The following CCNK variants were observed in gnomAD, a reference collection of about 807,000 sequenced individuals.
CCNK encodes cyclin-K.
CCNK carries 9 observed loss-of-function variants against 65.0 expected under a neutral mutation model. The observed-to-expected ratio is 0.14, with a 90% CI of 0.08 to 0.24. The LOEUF (loss-of-function observed/expected upper bound fraction) is 0.24, where lower values mean the gene tolerates loss of function less well. Among genes scored for constraint, CCNK ranks in the 10% least tolerant of loss-of-function variants. CCNK has a pLI of 1.00. For missense variants in CCNK, 474 were observed against 720.0 expected (o/e 0.66, Z 3.91); for synonymous variants, 279 against 270.8 (o/e 1.03, Z -0.30).
chr14:99,505,978 A>C (rs1436582960), intron 9 of CCNK: 2 of 152,564 alleles, frequency 1.3e-5, no homozygotes, highest in Non-Finnish European at 2.9e-5. Context: ...GGAAAAAGGC[A>C]GGAGGTGGGT....
At chr14:99,501,334 A>C (rs1341939701) in intron 5 of CCNK, 22 bp from the exon 6 acceptor site, 19 of 1,532,874 alleles carry the variant, frequency 1.2e-5, no homozygotes, top group Non-Finnish European at 1.7e-5. Context: ...CTATTAATTT[A>C]CCTTTTTGTC....
In CCNK at chr14:99,481,417, A is replaced by G. The variant is rs1347005493; in HGVS notation, c.-115A>G. 1 of 398,576 alleles carries G rather than the reference A, an allele frequency of 2.5e-6. No individual in the cohort carries two copies. The highest frequency in any genetic ancestry group is 4.4e-6 in the Non-Finnish European group (1 of 226,110). The allele number at this position is 398,576 out of a possible 1,614,324, so 24.7% of individuals were successfully genotyped here. The stretch of plus-strand genomic sequence containing the variant: ...TGATGACGTAGGTCCCCGACATTCC[A>G]TATACAAGATGGCCGCAGTCGGCAA... On this transcript the variant is annotated 5_prime_UTR_variant, in exon 1 of 11. Transcript: ENST00000389879.
chr14:99,505,630 G>A (rs551051570), intron 9 of CCNK: 2 of 152,338 alleles, frequency 1.3e-5, no homozygotes, highest in South Asian at 4.1e-4. Flanking sequence ...GGGAGGCCAA[G>A]GCATGCTTTG....
Position 99,502,203 on chromosome 14 carries a change from C to A in CCNK, c.576-4C>A. The stretch of plus-strand genomic sequence containing the variant: ...TCTAACCTTTTTTTTTCTTGTTGAA[C>A]TAGTCTCTGCACCACCTTGTCACTG... On this transcript the variant is annotated splice_region_variant and splice_polypyrimidine_tract_variant and intron_variant, in intron 6 of 10. Coordinates refer to ENST00000389879, the MANE Select transcript of CCNK (RefSeq NM_001099402.2). 1 of 1,572,920 alleles carries A rather than the reference C, an allele frequency of 6.4e-7. No individual in the cohort carries two copies. The highest frequency in any genetic ancestry group is 8.6e-7 in the Non-Finnish European group (1 of 1,159,114).
At chr14:99,486,861 C>T (rs912308968) in intron 1 of CCNK, among the ~76,000 whole-genome samples, 1 of 147,344 alleles carries the variant, frequency 6.8e-6, no homozygotes, top group African/African-American at 2.5e-5. Context: ...ATTATGTTCT[C>T]TCCCCTTACA....
chr14:99,510,048 G>T (rs2139886424), intron 10 of CCNK, 109 bp from the exon 11 acceptor site: 2 of 1,117,764 alleles, frequency 1.8e-6, no homozygotes, highest in South Asian at 1.6e-5. Context: ...AGAGGAGGCG[G>T]GCAGCTGCTC....
Position 99,510,620 on chromosome 14 carries a change from C to A in CCNK, c.1581C>A (p.Thr527=). The A allele has an allele frequency of 7.3e-7, 1 of 1,367,220 alleles. No individual in the cohort carries two copies. The highest frequency in any genetic ancestry group is 9.5e-7 in the Non-Finnish European group (1 of 1,050,774). The allele number at this position is 1,367,220 out of a possible 1,614,324, so 84.7% of individuals were successfully genotyped here. The part of the protein sequence containing the change: ...FPPPPPRLPP[T]HAVPPHPPPG... The stretch of plus-strand genomic sequence containing the variant: ...CCCCACCCCCACGCCTCCCGCCTAC[C>A]CACGCAGTCCCCCCTCATCCTCCTC... Residue 527 remains threonine (T), a synonymous_variant, in exon 11 of 11, where the codon ACC becomes ACA. Transcript: ENST00000389879.
At position 99,510,830 on chromosome 14, in the gene CCNK, G is replaced by C; in HGVS notation, c.*48G>C. 2.2e-6 allele frequency: 3 copies of C among 1,375,180 alleles called. No individual in the cohort carries two copies. The South Asian group carries it at 6.1e-5, about 28-fold the overall frequency. The allele number at this position is 1,375,180 out of a possible 1,614,324, so 85.2% of individuals were successfully genotyped here. On this transcript the variant is annotated 3_prime_UTR_variant, in exon 11 of 11. Coordinates refer to ENST00000389879, the MANE Select transcript of CCNK (RefSeq NM_001099402.2). ...GTTTTTTTAACAAGATTTTCTAATC[G>C]ACTTGCAGAGTAGTTGAAGTGGGTA...
At chr14:99,484,586 G>A (rs1184793475) in intron 1 of CCNK, among the ~76,000 whole-genome samples, 1 of 152,228 alleles carries the variant, frequency 6.6e-6, no homozygotes, top group Admixed American at 6.5e-5. Flanking sequence ...TTAAAGAGTC[G>A]CTAAAAGGTA....
At chr14:99,500,908 G>A (rs1482736584) in intron 5 of CCNK, 37 bp downstream of exon 5, 2 of 1,245,144 alleles carry the variant, frequency 1.6e-6, no homozygotes, top group South Asian at 1.4e-5. Flanking sequence ...TTTTCATTCT[G>A]AAATCAAGTC....
chr14:99,496,405 A>G (rs1223212784), intron 4 of CCNK, among the ~76,000 whole-genome samples: 2 of 152,166 alleles, frequency 1.3e-5, no homozygotes, highest in East Asian at 1.9e-4. Flanking sequence ...GCGAAACCCC[A>G]TCTCTACTAT....
intron 4 of CCNK, 95 bp downstream of exon 4, chr14:99,495,724 C>A: frequency 1.8e-6 from 2 of 1,137,358 alleles, no homozygotes; most frequent in Non-Finnish European, 2.4e-6. Context: ...GCCCTTGTGT[C>A]TGCCAGTCTC....
At chr14:99,501,849 T>C (rs1465791281) in intron 6 of CCNK, 1 of 232,310 alleles carries the variant, frequency 4.3e-6, no homozygotes, top group East Asian at 1.2e-4. Flanking sequence ...CCCACTGCAG[T>C]CAGTGAAGCT....
chr14:99,503,115 C>T (rs942115268), intron 8 of CCNK, 131 bp downstream of exon 8: 25 of 1,052,154 alleles, frequency 2.4e-5, no homozygotes, highest in Middle Eastern at 2.1e-4. Flanking sequence ...ACTCGCAGTC[C>T]GACTGCTTGT....
At chr14:99,504,209 A>G in intron 9 of CCNK, 1 of 216,912 alleles carries the variant, frequency 4.6e-6, no homozygotes. Context: ...GAAAGTTAGA[A>G]ATGTTTTGTC....
chr14:99,489,061 AG>A (rs1455382093), intron 1 of CCNK, among the ~76,000 whole-genome samples: 1 of 152,134 alleles, frequency 6.6e-6, no homozygotes, highest in African/African-American at 2.4e-5. Flanking sequence ...GTATTGAAAA[AG>A]TTAAGATTTC....
intron 1 of CCNK, among the ~76,000 whole-genome samples, chr14:99,486,929 T>TA (rs1225407324): frequency 2.0e-5 from 3 of 152,228 alleles, no homozygotes; most frequent in Non-Finnish European, 4.4e-5. Flanking sequence ...ATTTCTTTCT[T>TA]ATTGTCTCTC....
At chr14:99,495,363 C>T (rs1314633232) in intron 3 of CCNK, 135 bp from the exon 4 acceptor site, 26 of 589,382 alleles carry the variant, frequency 4.4e-5, no homozygotes, top group Non-Finnish European at 6.9e-5. Flanking sequence ...TCTAGAGTAT[C>T]GGAGTATTTG....
At chr14:99,492,958 A>T (rs966922507) in intron 2 of CCNK, 84 bp downstream of exon 2, 7 of 1,135,426 alleles carry the variant, frequency 6.2e-6, no homozygotes, top group Non-Finnish European at 8.5e-6. Context: ...GACAAAATAT[A>T]TAGTAATTTC....
Sources: allele counts gnomAD v4.1 joint callset (sites outside exome capture counted in the v4.1 genomes callset), GRCh38; gene constraint gnomAD v4.1.1; transcripts MANE v1.5; gene names NCBI Gene and HGNC (gene_info 2026-07-23, HGNC 2026-07-21).